Variants in RNF6 observed in about 807,000 individuals in gnomAD.
RNF6 encodes ring finger protein 6.
Under a neutral mutation model 50.1 loss-of-function variants are expected in RNF6, and 21 were observed. The observed-to-expected ratio is 0.42, with a 90% confidence interval of 0.30 to 0.60. The LOEUF is 0.60. Among genes scored for constraint, RNF6 ranks in the 20% least tolerant of loss-of-function variants. The pLI is 0.20. For synonymous variants in RNF6, 255 were observed against 291.8 expected, an observed-to-expected ratio of 0.87 and a Z score of 1.29; for missense variants, 698 against 838.2, an observed-to-expected ratio of 0.83 and a Z score of 2.07.
intron 5 of RNF6, among the ~76,000 whole-genome samples, chr13:26,178,447 C>G (rs995653780): frequency 6.6e-6 from 1 of 151,048 alleles, no homozygotes; most frequent in Non-Finnish European, 1.5e-5. Flanking sequence ...CTAAACACCT[C>G]CCAAAGGCCC....
intron 5 of RNF6, among the ~76,000 whole-genome samples, chr13:26,172,581 T>A (rs1420298535): frequency 6.6e-6 from 1 of 151,342 alleles, no homozygotes; most frequent in Non-Finnish European, 1.5e-5. Context: ...TCTTGCTCTG[T>A]CGCCCAGGCT....
At chr13:26,195,102 A>G (rs2137693079) in intron 5 of RNF6, among the ~76,000 whole-genome samples, 1 of 152,344 alleles carries the variant, frequency 6.6e-6, no homozygotes, top group Middle Eastern at 3.4e-3. Context: ...TAGCAGAAAT[A>G]CTAGAAGAAA....
At chr13:26,189,242 C>T (rs891982625) in intron 5 of RNF6, among the ~76,000 whole-genome samples, 2 of 151,974 alleles carry the variant, frequency 1.3e-5, no homozygotes, top group Non-Finnish European at 2.9e-5. Context: ...GCAGGAGAAT[C>T]GCTTGAACCC....
intron 5 of RNF6, among the ~76,000 whole-genome samples, chr13:26,204,207 G>C (rs1164475885): frequency 6.6e-6 from 1 of 151,680 alleles, no homozygotes; most frequent in Non-Finnish European, 1.5e-5. Flanking sequence ...GTAGAAAAGA[G>C]AAATAAGGCC....
chr13:26,159,556 C>T (rs192268962), intron 5 of RNF6, among the ~76,000 whole-genome samples: 1 of 151,860 alleles, frequency 6.6e-6, no homozygotes, highest in Non-Finnish European at 1.5e-5. Context: ...ACCCAGGAGG[C>T]GGAGCTTGCA....
intron 4 of RNF6, 120 bp downstream of exon 4, chr13:26,218,391 A>G: frequency 1.4e-6 from 1 of 711,094 alleles, no homozygotes; most frequent in Non-Finnish European, 2.5e-6. Context: ...TATTATCTGA[A>G]TGAGTATCAC....
At chr13:26,171,190 C>A (rs937900267) in intron 5 of RNF6, among the ~76,000 whole-genome samples, 17 of 152,104 alleles carry the variant, frequency 1.1e-4, no homozygotes, top group Non-Finnish European at 1.6e-4. Flanking sequence ...ATATTAAAAT[C>A]TCCTACAGCT....
intron 5 of RNF6, among the ~76,000 whole-genome samples, chr13:26,142,943 TAC>T (rs956295633): frequency 2.0e-5 from 3 of 151,710 alleles, no homozygotes; most frequent in East Asian, 3.9e-4. Flanking sequence ...AAGAAAACAA[TAC>T]ACACACACAC....
At chr13:26,200,380 T>TA (rs1358268035) in intron 5 of RNF6, among the ~76,000 whole-genome samples, 1 of 151,742 alleles carries the variant, frequency 6.6e-6, no homozygotes, top group African/African-American at 2.4e-5. Context: ...CTTGGTTTAA[T>TA]ATTCTGCTGT....
intron 5 of RNF6, among the ~76,000 whole-genome samples, chr13:26,186,488 G>A (rs1873538513): frequency 6.6e-6 from 1 of 152,224 alleles, no homozygotes; most frequent in South Asian, 2.1e-4. Flanking sequence ...CCGACTGGCA[G>A]TCAGCGGAGA....
downstream of RNF6, among the ~76,000 whole-genome samples, chr13:26,211,396 C>A (rs1016508107): frequency 6.6e-6 from 1 of 152,152 alleles, no homozygotes; most frequent in Non-Finnish European, 1.5e-5. Flanking sequence ...TCCCCTCTTC[C>A]TTTGTCCTCC....
chr13:26,221,770 G>A (rs940906534), intron 1 of RNF6: 4 of 152,190 alleles, frequency 2.6e-5, no homozygotes, highest in Non-Finnish European at 4.4e-5. Context: ...GGGCTCAAGA[G>A]GCCCAACCAA....
downstream of RNF6, among the ~76,000 whole-genome samples, chr13:26,208,239 C>T (rs758029517): frequency 1.1e-4 from 17 of 152,216 alleles, no homozygotes; most frequent in Admixed American, 2.0e-4. Context: ...TGTGCCTAAA[C>T]TGTTTGTGCA....
At chr13:26,149,933 C>T (rs868622860) in intron 5 of RNF6, among the ~76,000 whole-genome samples, 765 of 59,106 alleles carry the variant, frequency 0.013, 87 homozygotes, top group East Asian at 0.016. Flanking sequence ...TATATATATA[C>T]ACAGTGTATA....
intron 5 of RNF6, among the ~76,000 whole-genome samples, chr13:26,145,648 G>A (rs978377066): frequency 6.6e-6 from 1 of 152,198 alleles, no homozygotes; most frequent in Non-Finnish European, 1.5e-5. Flanking sequence ...AACCTGTACA[G>A]CTTGCAGAAG....
At chr13:26,186,675 A>G (rs9553760) in intron 5 of RNF6, among the ~76,000 whole-genome samples, 98,329 of 152,126 alleles carry the variant, frequency 0.65, 32,454 homozygotes, top group Middle Eastern at 0.72. Context: ...ACCTTCGGCC[A>G]CAGGTAGCGC....
intron 5 of RNF6, among the ~76,000 whole-genome samples, chr13:26,175,822 T>C (rs1872931011): frequency 6.6e-6 from 1 of 152,182 alleles, no homozygotes; most frequent in South Asian, 2.1e-4. Context: ...AAAATGCACA[T>C]GGAAAACAAC....
intron 5 of RNF6, among the ~76,000 whole-genome samples, chr13:26,159,832 C>T (rs574379742): frequency 4.0e-5 from 6 of 151,852 alleles, no homozygotes; most frequent in South Asian, 2.1e-4. Context: ...AATACAATAA[C>T]GAATATAAGG....
At chr13:26,169,493 C>T (rs1023525982) in intron 5 of RNF6, among the ~76,000 whole-genome samples, 8 of 152,166 alleles carry the variant, frequency 5.3e-5, no homozygotes, top group Non-Finnish European at 1.0e-4. Flanking sequence ...AGACTACAGG[C>T]CCCTGACCTA....
Sources: allele counts gnomAD v4.1 joint callset (sites outside exome capture counted in the v4.1 genomes callset), GRCh38; gene constraint gnomAD v4.1.1; transcripts MANE v1.5; gene names NCBI Gene and HGNC (gene_info 2026-07-23, HGNC 2026-07-21).